Variants in LRP1B observed in about 807,000 individuals in gnomAD.
The protein encoded by LRP1B is low-density lipoprotein receptor-related protein 1B.
LRP1B carries 217 observed loss-of-function variants against 556.6 expected under a neutral mutation model. The ratio of observed to expected loss-of-function variants is 0.39; its 90% confidence interval spans 0.35 to 0.44. The LOEUF (loss-of-function observed/expected upper bound fraction) is 0.44. LRP1B is among the 20% of genes least tolerant of loss of function. LRP1B has a pLI of 1.00. For missense variants in LRP1B, 5,053 were observed against 5,620.8 expected (o/e 0.90, Z 3.23); for synonymous variants, 2,047 against 1,865.8 (o/e 1.10, Z -2.50).
intron 3 of LRP1B, among the ~76,000 whole-genome samples, chr2:141,279,987 T>C (rs1383754432): frequency 6.6e-6 from 1 of 152,126 alleles, no homozygotes; most frequent in Non-Finnish European, 1.5e-5. Context: ...TCTCTTCTTC[T>C]ACCAGCAGAT....
At chr2:140,247,395 T>G (rs1008198302) in intron 86 of LRP1B, among the ~76,000 whole-genome samples, 1 of 151,652 alleles carries the variant, frequency 6.6e-6, no homozygotes, top group Non-Finnish European at 1.5e-5. Context: ...ATAGACATTT[T>G]ACTTATTCTG....
At chr2:140,982,095 G>A in intron 18 of LRP1B, 65 bp downstream of exon 18, 1 of 1,232,312 alleles carries the variant, frequency 8.1e-7, no homozygotes, top group East Asian at 2.3e-5. Flanking sequence ...TTTAAGGAGG[G>A]TGTAGTGGTA....
chr2:142,001,287 G>A (rs1231408176), intron 1 of LRP1B, among the ~76,000 whole-genome samples: 3 of 152,152 alleles, frequency 2.0e-5, no homozygotes, highest in Non-Finnish European at 4.4e-5. Flanking sequence ...AGATACATCT[G>A]CTTAAACACA....
chr2:141,298,039 G>C (rs971755603), intron 3 of LRP1B, among the ~76,000 whole-genome samples: 26 of 152,112 alleles, frequency 1.7e-4, no homozygotes, highest in Admixed American at 1.2e-3. Context: ...ACTAAACAAA[G>C]CATGACTATA....
At chr2:140,660,787 A>G (rs1685063791) in intron 41 of LRP1B, among the ~76,000 whole-genome samples, 1 of 152,058 alleles carries the variant, frequency 6.6e-6, no homozygotes, top group African/African-American at 2.4e-5. Context: ...TACATGTCTG[A>G]AAATGTCTGC....
chr2:141,653,017 T>C (rs1689858113), intron 2 of LRP1B, among the ~76,000 whole-genome samples: 1 of 152,210 alleles, frequency 6.6e-6, no homozygotes, highest in African/African-American at 2.4e-5. Context: ...ATTTTCATAA[T>C]ACTTTATATA....
intron 11 of LRP1B, among the ~76,000 whole-genome samples, chr2:141,022,903 G>A (rs1258470242): frequency 6.6e-6 from 1 of 151,722 alleles, no homozygotes; most frequent in Non-Finnish European, 1.5e-5. Flanking sequence ...TAGCAAACAA[G>A]AGCATGGCTA....
At chr2:140,768,907 A>G (rs574242800) in intron 35 of LRP1B, among the ~76,000 whole-genome samples, 2 of 152,000 alleles carry the variant, frequency 1.3e-5, no homozygotes, top group East Asian at 3.9e-4. Context: ...TATATTTATA[A>G]CTAGATAAAA....
intron 1 of LRP1B, among the ~76,000 whole-genome samples, chr2:141,886,406 C>T (rs1460924375): frequency 1.3e-5 from 2 of 152,114 alleles, no homozygotes; most frequent in African/African-American, 4.8e-5. Flanking sequence ...GAGTTAAATT[C>T]ATTTTGACCT....
chr2:141,107,817 T>A (rs1394845930), intron 7 of LRP1B, among the ~76,000 whole-genome samples: 1 of 152,138 alleles, frequency 6.6e-6, no homozygotes, highest in East Asian at 1.9e-4. Context: ...GATTATGATA[T>A]GATCACAGTT....
At chr2:140,475,107 A>G in intron 60 of LRP1B, 31 bp downstream of exon 60, 1 of 1,164,532 alleles carries the variant, frequency 8.6e-7, no homozygotes, top group Non-Finnish European at 1.2e-6. Context: ...GACCTGGTAA[A>G]ATACTAGAAT....
At chr2:141,865,248 C>G (rs1436824287) in intron 1 of LRP1B, among the ~76,000 whole-genome samples, 4 of 152,064 alleles carry the variant, frequency 2.6e-5, no homozygotes, top group Non-Finnish European at 5.9e-5. Flanking sequence ...AGAAGTATGT[C>G]TTCTAAGGGA....
At chr2:140,798,551 A>C (rs1446335205) in intron 32 of LRP1B, among the ~76,000 whole-genome samples, 1 of 152,130 alleles carries the variant, frequency 6.6e-6, no homozygotes, top group African/African-American at 2.4e-5. Context: ...GCAATTGGCT[A>C]TGAAGGTTAG....
intron 15 of LRP1B, 72 bp downstream of exon 15, chr2:141,005,262 CT>C (rs1697538498): frequency 6.6e-7 from 1 of 1,504,674 alleles, no homozygotes; most frequent in African/African-American, 1.4e-5. Flanking sequence ...ATTTTAATTC[CT>C]TTAGTTTCTT....
At chr2:140,690,941 T>A (rs889579234) in intron 41 of LRP1B, among the ~76,000 whole-genome samples, 1 of 152,200 alleles carries the variant, frequency 6.6e-6, no homozygotes, top group African/African-American at 2.4e-5. Context: ...AGTATCCTTT[T>A]CAGTTTTATG....
chr2:140,874,482 A>T (rs1693241296), intron 25 of LRP1B, among the ~76,000 whole-genome samples: 1 of 152,158 alleles, frequency 6.6e-6, no homozygotes, highest in African/African-American at 2.4e-5. Context: ...TTCTTCCAAA[A>T]TAATATTCTG....
intron 6 of LRP1B, among the ~76,000 whole-genome samples, chr2:141,199,710 CAAGT>C: frequency 6.6e-6 from 1 of 151,902 alleles, no homozygotes; most frequent in South Asian, 2.1e-4. Context: ...TTTGACAAAT[CAAGT>C]AAGTTCAATA....
intron 37 of LRP1B, 135 bp downstream of exon 37, chr2:140,715,838 A>T: frequency 5.2e-6 from 3 of 573,552 alleles, no homozygotes; most frequent in Non-Finnish European, 8.6e-6. Flanking sequence ...AGTGAATATA[A>T]ACATTTTTTT....
At position 140,333,605 on chromosome 2, in the gene LRP1B, ATAGTT is replaced by A. The variant is rs774599105; in HGVS notation, c.12223+843_12223+847del. On this transcript the variant is annotated intron_variant, in intron 79 of 90. Coordinates refer to ENST00000389484, the MANE Select transcript of LRP1B (RefSeq NM_018557.3). ...ATAAGAATATAAGCACTAAATATAA[ATAGTT>A]TAAACTACAAAAGATATTACAATGC... is the stretch of plus-strand genomic sequence containing the variant. Among the ~76,000 whole-genome samples the A allele has an allele frequency of 1.4e-3, 207 of 151,122 alleles. 3 individuals are homozygous for A. The highest frequency in any genetic ancestry group is 0.012 in the Admixed American group (175 of 14,208).
Sources: allele counts gnomAD v4.1 joint callset (sites outside exome capture counted in the v4.1 genomes callset), GRCh38; gene constraint gnomAD v4.1.1; transcripts MANE v1.5; gene names NCBI Gene and HGNC (gene_info 2026-07-23, HGNC 2026-07-21).